The following VPS13C variants were observed in gnomAD, a reference collection of about 807,000 sequenced individuals.
VPS13C encodes the protein vacuolar protein sorting 13 homolog C.
VPS13C carries 358 observed loss-of-function variants against 456.8 expected under a neutral mutation model. The ratio of observed to expected loss-of-function variants is 0.78; its 90% CI spans 0.72 to 0.86. VPS13C has a LOEUF of 0.86. Among genes scored for constraint, VPS13C ranks in the 40% least tolerant of loss-of-function variants. VPS13C has a pLI of 0.00. For synonymous variants in VPS13C, 1,578 were observed against 1,486.7 expected (o/e 1.06, Z -1.41); for missense variants, 4,818 against 4,385.4 (o/e 1.10, Z -2.79).
chr15:61,985,803 G>A (rs1394737815), intron 18 of VPS13C, among the ~76,000 whole-genome samples: 1 of 152,058 alleles, frequency 6.6e-6, no homozygotes, highest in Non-Finnish European at 1.5e-5. Flanking sequence ...CCAGGGAGAT[G>A]ATCCTGGAAT....
intron 59 of VPS13C, among the ~76,000 whole-genome samples, chr15:61,917,913 C>A (rs1314408171): frequency 6.6e-6 from 1 of 152,102 alleles, no homozygotes; most frequent in South Asian, 2.1e-4. Context: ...CAAAGGCAAT[C>A]TAATAAAAAT....
chr15:61,959,972 G>T (rs1185308318), intron 35 of VPS13C, among the ~76,000 whole-genome samples: 3 of 152,104 alleles, frequency 2.0e-5, no homozygotes, highest in African/African-American at 7.2e-5. Context: ...AGAGGAGTTA[G>T]CATTTTCCAA....
At position 62,008,761 on chromosome 15, in the gene VPS13C, A is replaced by T; in HGVS notation, c.1012T>A (p.Tyr338Asn). ...NIAIELTKPQ[Y>N]LSMIDLLESV... The stretch of plus-strand genomic sequence containing the variant: ...TCCAAAAGGTCAATCATACTTAAGT[A>T]CTGTTAAAACAAAAATAAAATTATA... The change falls in exon 14 of 85, where the codon TAC becomes AAC. Residue 338 changes from tyrosine to asparagine, a missense_variant and splice_region_variant. By Grantham distance (143) the Tyr-to-Asn change is moderately radical. Transcript: ENST00000644861. The T allele has an allele frequency of 6.5e-7, 1 of 1,533,496 alleles. No homozygotes were observed. The highest frequency in any genetic ancestry group is 8.9e-7 in the Non-Finnish European group (1 of 1,129,840). 95.0% of individuals were successfully genotyped at this position (1,533,496 alleles called of 1,614,324 possible).
chr15:61,931,305 T>C (rs181202701), intron 49 of VPS13C, 46 bp from the exon 50 acceptor site: 9 of 1,502,274 alleles, frequency 6.0e-6, no homozygotes, highest in African/African-American at 1.4e-5. Context: ...CTTTAAATAT[T>C]ATATAATTAC....
chr15:61,919,837 A>G (rs1301893729), intron 57 of VPS13C, among the ~76,000 whole-genome samples: 1 of 148,042 alleles, frequency 6.8e-6, no homozygotes, highest in Non-Finnish European at 1.5e-5. Context: ...ATTATATAAT[A>G]TATACATTAT....
intron 36 of VPS13C, 143 bp from the exon 37 acceptor site, chr15:61,958,859 T>A: frequency 2.1e-6 from 1 of 474,480 alleles, no homozygotes; most frequent in Non-Finnish European, 3.6e-6. Flanking sequence ...ACAACTCACT[T>A]AAGTATTGCA....
At chr15:62,047,094 A>G (rs550236810) in intron 1 of VPS13C, among the ~76,000 whole-genome samples, 10 of 151,992 alleles carry the variant, frequency 6.6e-5, no homozygotes, top group Admixed American at 2.0e-4. Flanking sequence ...TTTTTTCTAT[A>G]TCTAGTATTA....
intron 11 of VPS13C, among the ~76,000 whole-genome samples, chr15:62,012,732 T>C (rs2047090353): frequency 6.6e-6 from 1 of 151,852 alleles, no homozygotes; most frequent in East Asian, 1.9e-4. Flanking sequence ...CATTCTGATA[T>C]GAAATATCAG....
intron 55 of VPS13C, among the ~76,000 whole-genome samples, chr15:61,921,417 A>G (rs1364596154): frequency 2.0e-5 from 3 of 152,112 alleles, no homozygotes; most frequent in Non-Finnish European, 4.4e-5. Context: ...AAAAAACAAC[A>G]TAAAAAGATA....
At chr15:61,974,191 T>C (rs2045636543) in intron 25 of VPS13C, 97 bp downstream of exon 25, 6 of 1,210,886 alleles carry the variant, frequency 5.0e-6, no homozygotes, top group Non-Finnish European at 5.4e-6. Flanking sequence ...TCTGTACTTT[T>C]GGTCCTTTCA....
rs754305287 is a variant in VPS13C, at chr15:61,873,233, G to A, written c.10578+13C>T. 4 of 1,612,660 alleles carry A rather than the reference G, an allele frequency of 2.5e-6. No individual in the cohort carries two copies. The highest frequency in any genetic ancestry group is 3.4e-6 in the Non-Finnish European group (4 of 1,179,342). On this transcript the variant is annotated intron_variant, in intron 78 of 84. Coordinates refer to ENST00000644861, the MANE Select transcript of VPS13C (RefSeq NM_020821.3). ...AAGTTGCAGATTTCTTAAAGATTCAGCAAAGAACTTACTCGCAGAAAGCCC... is the reference window on the plus strand; with the variant it reads ...AAGTTGCAGATTTCTTAAAGATTCAACAAAGAACTTACTCGCAGAAAGCCC...
In VPS13C at chr15:61,977,214, T is replaced by A; in HGVS notation, c.2291-15A>T. 1 of 1,428,532 alleles carries A rather than the reference T, an allele frequency of 7.0e-7. No individual in the cohort carries two copies. Among genetic ancestry groups the A allele is most frequent in the Non-Finnish European group, 9.4e-7 (1 of 1,060,058 alleles). 88.5% of individuals were successfully genotyped at this position (1,428,532 alleles called of 1,614,324 possible). A position where few individuals can be genotyped will look rare whatever the true frequency, so the allele number is the denominator to read the frequency against. The stretch of plus-strand genomic sequence containing the variant: ...CCAGGTTTCCTCTTTAAAAAATAAT[T>A]TAAGATATTATTTATTATTTTTACA... On this transcript the variant is annotated splice_polypyrimidine_tract_variant and intron_variant, in intron 23 of 84. Coordinates refer to ENST00000644861, the MANE Select transcript of VPS13C (RefSeq NM_020821.3).
rs762048848 is a variant in VPS13C at position 61,959,489 on chromosome 15, C to T, written c.4015G>A (p.Val1339Met). The T allele has an allele frequency of 9.3e-6, 15 of 1,612,758 alleles. No individual in the cohort carries two copies. Among genetic ancestry groups the T allele is most frequent in the Non-Finnish European group, 1.3e-5 (15 of 1,179,226 alleles). ...TGTCCTTTAATTTCCACAACAGGCA[C>T]CTTGTGGTACCAAGATGCAGCTAGA... ...RNLAASWYHK[V>M]PVVEIKGHLD... Residue 1339 changes from valine (V) to methionine (M), a missense_variant, in exon 36 of 85, where the codon GTG becomes ATG. This residue lies in a region of VPS13C where 4,552 missense variants were observed against 4,130.6 expected (regional missense o/e 1.10). Transcript: ENST00000644861.
chr15:61,922,726 T>G lies in VPS13C; in HGVS notation c.6646A>C (p.Met2216Leu), dbSNP rs2043701892. The change falls in exon 54 of 85, where the codon ATG becomes CTG. Residue 2216 changes from methionine to leucine, a missense_variant. Physicochemically the swap from Met to Leu is conservative, Grantham distance 15 (BLOSUM62 2). This residue lies in a region of VPS13C where 4,552 missense variants were observed against 4,130.6 expected (regional missense o/e 1.10). Coordinates refer to ENST00000644861, the MANE Select transcript of VPS13C (RefSeq NM_020821.3). ...TTTGTTTTTGGAGACAATGCAGCCA[T>G]GATTGTCAACACAGTATTAAGAATT... ...PIILNTVLTI[M>L]AALSPKTKED... 1.2e-6 allele frequency: 2 copies of G among 1,612,624 alleles called. No homozygotes were observed. The highest frequency in any genetic ancestry group is 2.2e-5 in the South Asian group (2 of 90,778).
intron 5 of VPS13C, 93 bp downstream of exon 5, chr15:62,033,348 C>T (rs2047880957): frequency 5.6e-6 from 4 of 717,500 alleles, no homozygotes; most frequent in South Asian, 4.5e-5. Flanking sequence ...AGAACTTCAA[C>T]TTATGAAGGC....
Position 61,867,704 on chromosome 15 carries a change from T to C in VPS13C, c.10863+955A>G. The C allele has an allele frequency of 7.4e-7, 1 of 1,355,226 alleles. No homozygotes were observed. Among genetic ancestry groups the C allele is most frequent in the Non-Finnish European group, 9.5e-7 (1 of 1,053,954 alleles). The allele number at this position is 1,355,226 out of a possible 1,614,324, so 84.0% of individuals were successfully genotyped here. A position where few individuals can be genotyped will look rare whatever the true frequency, so the allele number is the denominator to read the frequency against. Reference sequence around the variant, plus strand: ...AGAAGAGAGCTGATTCTCTGCATCCTTTAATATTTTATACTAATCTCTTAT... The same window carrying C: ...AGAAGAGAGCTGATTCTCTGCATCCCTTAATATTTTATACTAATCTCTTAT... On this transcript the variant is annotated intron_variant, in intron 81 of 84. Transcript: ENST00000644861. This position sits in a 1 kb window ranked among gnomAD's most constrained non-coding sequence, Gnocchi z 5.0.
At chr15:61,883,034 CCTTTT>C (rs1274821481) in intron 68 of VPS13C, among the ~76,000 whole-genome samples, 1 of 151,646 alleles carries the variant, frequency 6.6e-6, no homozygotes, top group Non-Finnish European at 1.5e-5. Flanking sequence ...TTCTTTCTTT[CCTTTT>C]CTTTTTTTTT....
At chr15:61,907,792 G>A (rs535600659) in intron 65 of VPS13C, among the ~76,000 whole-genome samples, 1 of 152,238 alleles carries the variant, frequency 6.6e-6, no homozygotes, top group Non-Finnish European at 1.5e-5. Context: ...TTCCCAGGCT[G>A]GAATGCAGTG....
chr15:61,929,505 C>G lies in VPS13C; in HGVS notation c.6282G>C (p.Glu2094Asp). ...RQTATGKVKI[E>D]KDDSVRPNMT... ...TGACAGATAAATTCTGCTAACCTTT[C>G]TCTATCTTGACCTTCCCTGTGGCAG... Residue 2094 changes from glutamate to aspartate, a missense_variant, in exon 51 of 85, where the codon GAG (glutamate) becomes GAC (aspartate). Glu to Asp is a conservative substitution (Grantham distance 45). Transcript: ENST00000644861. The G allele has an allele frequency of 6.2e-7, 1 of 1,612,846 alleles. No individual in the cohort carries two copies. The highest frequency in any genetic ancestry group is 8.5e-7 in the Non-Finnish European group (1 of 1,179,054).
Sources: allele counts gnomAD v4.1 joint callset (sites outside exome capture counted in the v4.1 genomes callset), GRCh38; gene constraint gnomAD v4.1.1; regional missense constraint gnomAD v4.1.1; non-coding constraint Gnocchi (gnomAD v3.1); transcripts MANE v1.5; gene names NCBI Gene and HGNC (gene_info 2026-07-23, HGNC 2026-07-21).